The following PTPRJ variants were observed in gnomAD, a reference collection of about 807,000 sequenced individuals.
PTPRJ encodes receptor-type tyrosine-protein phosphatase eta.
PTPRJ carries 129 observed loss-of-function variants against 141.3 expected under a neutral mutation model. The observed-to-expected ratio is 0.91, with a 90% CI of 0.79 to 1.06. PTPRJ has a LOEUF of 1.06. PTPRJ is among the 50% of genes least tolerant of loss of function. The pLI, the probability that PTPRJ is intolerant of heterozygous loss-of-function variation, is 0.00. For synonymous variants in PTPRJ, 610 were observed against 640.5 expected, an observed-to-expected ratio of 0.95 and a Z score of 0.72; for missense variants, 1,601 against 1,679.7, an observed-to-expected ratio of 0.95 and a Z score of 0.82.
At chr11:48,163,932 T>C (rs1447744365) in intron 23 of PTPRJ, among the ~76,000 whole-genome samples, 1 of 152,202 alleles carries the variant, frequency 6.6e-6, no homozygotes, top group Non-Finnish European at 1.5e-5. Flanking sequence ...GACCATATGG[T>C]TTGCAAAGCT....
At chr11:48,035,466 A>G (rs1292008906) in intron 1 of PTPRJ, among the ~76,000 whole-genome samples, 1 of 144,138 alleles carries the variant, frequency 6.9e-6, no homozygotes, top group Non-Finnish European at 1.5e-5. Context: ...CCCCGGGATG[A>G]TGGGTGGGGA....
intron 1 of PTPRJ, among the ~76,000 whole-genome samples, chr11:48,084,332 C>T (rs190746994): frequency 6.6e-6 from 1 of 152,072 alleles, no homozygotes; most frequent in Admixed American, 6.6e-5. Context: ...CTTGCCACCA[C>T]GCCCACACAC....
At chr11:48,132,778 A>C in intron 8 of PTPRJ, 1 of 955,314 alleles carries the variant, frequency 1.0e-6, no homozygotes, top group African/African-American at 1.8e-5. Context: ...ATTCTCCTTG[A>C]AGAAGCTTCT....
chr11:48,085,811 T>A (rs1855689380), intron 1 of PTPRJ, among the ~76,000 whole-genome samples: 1 of 152,244 alleles, frequency 6.6e-6, no homozygotes, highest in South Asian at 2.1e-4. Flanking sequence ...GCTTCTTTTC[T>A]AAGCGAATGA....
intron 1 of PTPRJ, among the ~76,000 whole-genome samples, chr11:48,106,517 G>A (rs1565305706): frequency 1.3e-5 from 2 of 152,158 alleles, no homozygotes; most frequent in Admixed American, 6.5e-5. Flanking sequence ...CACAAAGAGT[G>A]AAGCAGAGGG....
At position 48,067,309 on chromosome 11, in the gene PTPRJ, G is replaced by T. The variant is rs572479111; in HGVS notation, c.97-42749G>T. Reference sequence around the variant, plus strand: ...GACACCATTCTGCGGACAATGGGGGGAAGGAAAGGAAAGCAATGCCGCTGC... The same window carrying T: ...GACACCATTCTGCGGACAATGGGGGTAAGGAAAGGAAAGCAATGCCGCTGC... On this transcript the variant is annotated intron_variant, in intron 1 of 24. Transcript: ENST00000418331. Among the ~76,000 whole-genome samples, 5 of 152,284 alleles carry T rather than the reference G, an allele frequency of 3.3e-5. No homozygotes were observed. The East Asian group carries it at 7.7e-4, about 24-fold the overall frequency.
chr11:48,026,558 C>T (rs879463434), intron 1 of PTPRJ, among the ~76,000 whole-genome samples: 47 of 151,522 alleles, frequency 3.1e-4, no homozygotes, highest in African/African-American at 9.0e-4. Flanking sequence ...CTTGGCTCAC[C>T]GCAACCTCTG....
At chr11:48,096,300 T>G (rs992569313) in intron 1 of PTPRJ, among the ~76,000 whole-genome samples, 4 of 152,204 alleles carry the variant, frequency 2.6e-5, no homozygotes, top group Admixed American at 1.3e-4. Context: ...TTGTTCTTCC[T>G]GACCTTGGTA....
intron 1 of PTPRJ, among the ~76,000 whole-genome samples, chr11:48,074,403 T>C (rs1445747229): frequency 2.0e-5 from 3 of 152,212 alleles, no homozygotes; most frequent in African/African-American, 7.2e-5. Flanking sequence ...ATGTATATCA[T>C]GACTGAATTT....
In PTPRJ at chr11:48,169,803, T is replaced by C. The variant is rs1858012230; in HGVS notation, c.*2441T>C. The C allele has an allele frequency of 6.6e-6, 1 of 152,198 alleles. No homozygotes were observed. Among genetic ancestry groups the C allele is most frequent in the Non-Finnish European group, 1.5e-5 (1 of 68,048 alleles). The allele number at this position is 152,198 out of a possible 1,614,324, so 9.4% of individuals were successfully genotyped here. On this transcript the variant is annotated 3_prime_UTR_variant, in exon 25 of 25. Transcript: ENST00000418331. ...CTCTTCCCTTCCGCCTGGTGTGGGCTTGGGAAATGGGCAAGCGGCCCCAGC... is the reference window on the plus strand; with the variant it reads ...CTCTTCCCTTCCGCCTGGTGTGGGCCTGGGAAATGGGCAAGCGGCCCCAGC...
At chr11:48,109,822 G>A (rs1856393193) in intron 1 of PTPRJ, among the ~76,000 whole-genome samples, 2 of 152,172 alleles carry the variant, frequency 1.3e-5, no homozygotes, top group South Asian at 2.1e-4. Context: ...GGCACTGGGA[G>A]TCAGCAGCCG....
At chr11:48,078,804 T>G (rs1013492588) in intron 1 of PTPRJ, among the ~76,000 whole-genome samples, 1 of 145,678 alleles carries the variant, frequency 6.9e-6, no homozygotes. Flanking sequence ...AGTTTTTTTT[T>G]TTTTTTTTTT....
chr11:48,153,720 A>C, intron 18 of PTPRJ, 76 bp from the exon 19 acceptor site: 1 of 975,922 alleles, frequency 1.0e-6, no homozygotes, highest in South Asian at 1.4e-5. Context: ...GGCTGGTTTC[A>C]CTGTCATATG....
At chr11:47,997,572 G>A (rs773278076) in intron 1 of PTPRJ, among the ~76,000 whole-genome samples, 2 of 152,068 alleles carry the variant, frequency 1.3e-5, no homozygotes, top group African/African-American at 4.8e-5. Context: ...TTTCAGCCTC[G>A]GCTTCCTCCT....
At chr11:47,986,231 A>G (rs1854048196) in intron 1 of PTPRJ, among the ~76,000 whole-genome samples, 1 of 152,186 alleles carries the variant, frequency 6.6e-6, no homozygotes, top group Non-Finnish European at 1.5e-5. Context: ...TTACAAGGCA[A>G]GTCTGCCTTT....
intron 1 of PTPRJ, among the ~76,000 whole-genome samples, chr11:48,092,294 C>CAAAAAA (rs3971621): frequency 9.7e-3 from 447 of 45,896 alleles, no homozygotes; most frequent in Non-Finnish European, 0.013. Flanking sequence ...GATTTCATCT[C>CAAAAAA]AAAAAAAAAA....
intron 7 of PTPRJ, 111 bp downstream of exon 7, chr11:48,128,154 A>T (rs1485795606): frequency 1.5e-6 from 2 of 1,352,890 alleles, no homozygotes; most frequent in Non-Finnish European, 2.0e-6. Context: ...CCACACGCCA[A>T]GCTTCGTGTG....
intron 18 of PTPRJ, among the ~76,000 whole-genome samples, chr11:48,153,483 A>C (rs1857531138): frequency 8.9e-6 from 1 of 112,802 alleles, no homozygotes; most frequent in Admixed American, 1.2e-4. Context: ...ACAGAGCGAG[A>C]CTCTGTCTCA....
intron 1 of PTPRJ, among the ~76,000 whole-genome samples, chr11:48,064,465 T>C (rs751677882): frequency 6.6e-6 from 1 of 152,184 alleles, no homozygotes; most frequent in East Asian, 1.9e-4. Context: ...CAGCTCACCA[T>C]GGGCTGAACT....
Sources: gnomAD v4.1 joint callset for allele counts (sites outside exome capture counted in the v4.1 genomes callset) on GRCh38, gnomAD v4.1.1 for gene constraint, MANE v1.5 for transcripts, NCBI Gene and HGNC (gene_info 2026-07-23, HGNC 2026-07-21) for gene names.